USP47: variants seen among roughly 807,000 people sequenced by gnomAD.
USP47 encodes the protein ubiquitin carboxyl-terminal hydrolase 47.
Under a neutral mutation model 165.1 loss-of-function variants are expected in USP47, and 35 were observed. That is an observed-to-expected ratio of 0.21 (90% CI 0.16 to 0.28). The LOEUF (loss-of-function observed/expected upper bound fraction) is 0.28, where lower values mean the gene tolerates loss of function less well. Among genes scored for constraint, USP47 ranks in the 10% least tolerant of loss-of-function variants. The pLI, the probability that USP47 is intolerant of heterozygous loss-of-function variation, is 1.00. For missense variants in USP47, 1,277 were observed against 1,607.4 expected (o/e 0.79, Z 3.52); for synonymous variants, 531 against 544.5 (o/e 0.98, Z 0.35).
At chr11:11,886,996 A>G (rs1851204685) in intron 3 of USP47, among the ~76,000 whole-genome samples, 1 of 152,184 alleles carries the variant, frequency 6.6e-6, no homozygotes. Context: ...TTCATGAGCA[A>G]AGGAAAAATA....
Position 11,957,810 on chromosome 11 carries a change from G to A in USP47, c.*1635G>A, listed in dbSNP as rs765248556. ...TCTGCCATTTGAATATAATCACCGA[G>A]AATTCCATGTCTTAAAAGTCTCCTG... On this transcript the variant is annotated 3_prime_UTR_variant, in exon 28 of 28. Coordinates refer to ENST00000527733, the MANE Select transcript of USP47 (RefSeq NM_001282659.2). 25 of 151,350 alleles carry A rather than the reference G, an allele frequency of 1.7e-4. No homozygotes were observed. Among genetic ancestry groups the A allele is most frequent in the Non-Finnish European group, 2.8e-4 (19 of 67,848 alleles). 9.4% of individuals were successfully genotyped at this position (151,350 alleles called of 1,614,324 possible).
intron 1 of USP47, among the ~76,000 whole-genome samples, chr11:11,877,706 A>G (rs980907622): frequency 2.6e-5 from 4 of 152,084 alleles, no homozygotes; most frequent in Non-Finnish European, 4.4e-5. Flanking sequence ...GAAAGATGTT[A>G]GAAAACAGCA....
At chr11:11,932,794 G>A (rs1158998202) in intron 14 of USP47, among the ~76,000 whole-genome samples, 1 of 152,134 alleles carries the variant, frequency 6.6e-6, no homozygotes, top group African/African-American at 2.4e-5. Flanking sequence ...GGCTCTTTAA[G>A]ATATGGACCT....
At chr11:11,944,165 A>G (rs1193609664) in intron 20 of USP47, among the ~76,000 whole-genome samples, 1 of 149,390 alleles carries the variant, frequency 6.7e-6, no homozygotes, top group Non-Finnish European at 1.5e-5. Context: ...AACATTTTCT[A>G]AATCCATACT....
chr11:11,896,189 G>A (rs1021611123), intron 4 of USP47, among the ~76,000 whole-genome samples: 1 of 152,170 alleles, frequency 6.6e-6, no homozygotes, highest in Non-Finnish European at 1.5e-5. Context: ...AAAATAAAGA[G>A]CTATGGCAAA....
At chr11:11,954,396 A>G (rs1856428279) in intron 25 of USP47, among the ~76,000 whole-genome samples, 1 of 152,096 alleles carries the variant, frequency 6.6e-6, no homozygotes, top group South Asian at 2.1e-4. Flanking sequence ...CAGCCTCCCG[A>G]GTAGCTGGGA....
intron 11 of USP47, among the ~76,000 whole-genome samples, chr11:11,929,113 GTAAT>G (rs757114178): frequency 6.6e-6 from 1 of 151,936 alleles, no homozygotes; most frequent in Non-Finnish European, 1.5e-5. Flanking sequence ...GAACAGCACT[GTAAT>G]TAGCATCTGC....
Position 11,959,868 on chromosome 11 carries a change from C to T in USP47, c.*3693C>T, listed in dbSNP as rs991619025. Among the ~76,000 whole-genome samples the T allele has an allele frequency of 6.6e-6, 1 of 152,162 alleles. No individual in the cohort carries two copies. The highest frequency in any genetic ancestry group is 2.4e-5 in the African/African-American group (1 of 41,428). ...TATTGGACCCTAAAACCTTGCCTCA[C>T]AGGTGGGCACCAAGCTCCCCTTCCC... is the stretch of plus-strand genomic sequence containing the variant. On this transcript the variant is annotated 3_prime_UTR_variant, in exon 28 of 28. Coordinates refer to ENST00000527733, the MANE Select transcript of USP47 (RefSeq NM_001282659.2).
intron 1 of USP47, among the ~76,000 whole-genome samples, chr11:11,846,783 A>G (rs1398667427): frequency 6.6e-6 from 1 of 152,172 alleles, no homozygotes; most frequent in Non-Finnish European, 1.5e-5. Context: ...ATTATGGAAC[A>G]TGTCAAATGC....
intron 8 of USP47, among the ~76,000 whole-genome samples, chr11:11,918,594 G>T (rs934106639): frequency 6.6e-6 from 1 of 152,012 alleles, no homozygotes; most frequent in Non-Finnish European, 1.5e-5. Flanking sequence ...ATGTTGGGTT[G>T]GGCGAGGGAA....
intron 11 of USP47, 116 bp downstream of exon 11, chr11:11,923,007 A>T (rs1853951583): frequency 1.5e-6 from 1 of 686,924 alleles, no homozygotes; most frequent in East Asian, 4.4e-5. Context: ...TTAATTTTTG[A>T]AAGTTAAGAC....
chr11:11,853,779 A>G (rs61870714), intron 1 of USP47, among the ~76,000 whole-genome samples: 2,561 of 152,324 alleles, frequency 0.017, 34 homozygotes, highest in Middle Eastern at 0.034. Context: ...TTTTACAAAA[A>G]TTACTGAGAT....
At chr11:11,936,558 A>C (rs759781632) in intron 17 of USP47, 48 bp downstream of exon 17, 2 of 1,413,210 alleles carry the variant, frequency 1.4e-6, no homozygotes, top group Non-Finnish European at 1.9e-6. Flanking sequence ...TAGAATTTTC[A>C]TGAGAAAGTT....
At chr11:11,850,828 C>T (rs1434619577) in intron 1 of USP47, among the ~76,000 whole-genome samples, 1 of 152,236 alleles carries the variant, frequency 6.6e-6, no homozygotes, top group Non-Finnish European at 1.5e-5. Context: ...AAGGTGCCGG[C>T]AGATTTGGTG....
At chr11:11,866,771 T>C (rs187397707) in intron 1 of USP47, among the ~76,000 whole-genome samples, 6 of 152,328 alleles carry the variant, frequency 3.9e-5, no homozygotes, top group Non-Finnish European at 7.3e-5. Flanking sequence ...CTCACAACAA[T>C]GAAAGTATCA....
intron 2 of USP47, among the ~76,000 whole-genome samples, chr11:11,881,963 G>A (rs566241660): frequency 6.6e-6 from 1 of 152,240 alleles, no homozygotes; most frequent in South Asian, 2.1e-4. Context: ...GCATGGGAGT[G>A]TGGTTAAGGA....
At chr11:11,946,981 A>G (rs977424281) in intron 20 of USP47, among the ~76,000 whole-genome samples, 2 of 152,146 alleles carry the variant, frequency 1.3e-5, no homozygotes, top group African/African-American at 4.8e-5. Flanking sequence ...GGAGTGTTTT[A>G]AGGCCTCATC....
At position 11,957,809 on chromosome 11, in the gene USP47, A is replaced by G. The variant is rs1338948762; in HGVS notation, c.*1634A>G. On this transcript the variant is annotated 3_prime_UTR_variant, in exon 28 of 28. Transcript: ENST00000527733. ...CTCTGCCATTTGAATATAATCACCG[A>G]GAATTCCATGTCTTAAAAGTCTCCT... The G allele has an allele frequency of 6.6e-6, 1 of 152,178 alleles. No homozygotes were observed. Among genetic ancestry groups the G allele is most frequent in the Admixed American group, 6.5e-5 (1 of 15,282 alleles). The allele number at this position is 152,178 out of a possible 1,614,324, so 9.4% of individuals were successfully genotyped here. A position where few individuals can be genotyped will look rare whatever the true frequency, so the allele number is the denominator to read the frequency against.
chr11:11,871,652 ACT>A (rs1850073218), intron 1 of USP47, among the ~76,000 whole-genome samples: 1 of 151,220 alleles, frequency 6.6e-6, no homozygotes, highest in South Asian at 2.1e-4. Flanking sequence ...TCAGCCAAAC[ACT>A]CTAGGGGGAT....
Sources: allele counts gnomAD v4.1 joint callset (sites outside exome capture counted in the v4.1 genomes callset), GRCh38; gene constraint gnomAD v4.1.1; transcripts MANE v1.5; gene names NCBI Gene and HGNC (gene_info 2026-07-23, HGNC 2026-07-21).